Variants in PCNX4 observed in about 807,000 individuals in gnomAD.
The protein encoded by PCNX4 is pecanex 4, also known as pecanex-like protein 4.
In PCNX4, 103 loss-of-function variants were observed where a neutral mutation model predicts 107.2. That is an observed-to-expected ratio of 0.96 (90% CI 0.82 to 1.13). PCNX4 has a LOEUF of 1.13. Ranked by LOEUF, PCNX4 falls within the 50% of genes most tolerant of loss-of-function variation. PCNX4 has a pLI of 0.00. For synonymous variants in PCNX4, 541 were observed against 481.7 expected, an observed-to-expected ratio of 1.12 and a Z score of -1.61; for missense variants, 1,528 against 1,379.4, an observed-to-expected ratio of 1.11 and a Z score of -1.71.
intron 10 of PCNX4, among the ~76,000 whole-genome samples, chr14:60,128,269 G>C (rs1896091693): frequency 6.6e-6 from 1 of 152,162 alleles, no homozygotes; most frequent in Non-Finnish European, 1.5e-5. Context: ...TAAATGCAAA[G>C]AGATCCGCAG....
chr14:60,093,257 A>G (rs1895345396), intron 1 of PCNX4, among the ~76,000 whole-genome samples: 1 of 152,164 alleles, frequency 6.6e-6, no homozygotes, highest in Non-Finnish European at 1.5e-5. Flanking sequence ...CAATTCACCC[A>G]TTTATAGAAT....
chr14:60,144,952 T>C lies in PCNX4; in HGVS notation c.*10731T>C. On this transcript the variant is annotated 3_prime_UTR_variant, in exon 11 of 11. Coordinates refer to ENST00000406854, the MANE Select transcript of PCNX4 (RefSeq NM_001330177.2). ...TTTCTCCCTCCAGTGGCTTGAAAAGTACAGGTGCTCTTTTCAGTCATGTTT... is the reference window on the plus strand; with the variant it reads ...TTTCTCCCTCCAGTGGCTTGAAAAGCACAGGTGCTCTTTTCAGTCATGTTT... 1 of 1,600,884 alleles carries C rather than the reference T, an allele frequency of 6.2e-7. No homozygotes were observed. Among genetic ancestry groups the C allele is most frequent in the Non-Finnish European group, 8.5e-7 (1 of 1,170,072 alleles).
chr14:60,121,194 A>G lies in PCNX4; in HGVS notation c.1943-2A>G. On this transcript the variant is annotated splice_acceptor_variant, in intron 7 of 10. Transcript: ENST00000406854. LOFTEE classifies it high-confidence loss of function. ...TTTTTTTTTTTTTCTAATTTGTTGT[A>G]GGTCTCCTCCTACCTGGATCTCATT... 1.1e-6 allele frequency: 1 copy of G among 890,708 alleles called. No homozygotes were observed. The highest frequency in any genetic ancestry group is 1.5e-6 in the Non-Finnish European group (1 of 645,318). 55.2% of individuals were successfully genotyped at this position (890,708 alleles called of 1,614,324 possible). A position where few individuals can be genotyped will look rare whatever the true frequency, so the allele number is the denominator to read the frequency against.
Position 60,141,436 on chromosome 14 carries a change from TGAA to T in PCNX4, c.*7218_*7220del, listed in dbSNP as rs1438599848. The T allele has an allele frequency of 1.3e-5, 2 of 152,106 alleles. No individual in the cohort carries two copies. The highest frequency in any genetic ancestry group is 2.4e-5 in the African/African-American group (1 of 41,400). The allele number at this position is 152,106 out of a possible 1,614,324, so 9.4% of individuals were successfully genotyped here. A position where few individuals can be genotyped will look rare whatever the true frequency, so the allele number is the denominator to read the frequency against. ...CAAATCATTATTATCAAGAATGAAA[TGAA>T]GAGTATCACTATAAATCAGGCAGTC... On this transcript the variant is annotated 3_prime_UTR_variant, in exon 11 of 11. Coordinates refer to ENST00000406854, the MANE Select transcript of PCNX4 (RefSeq NM_001330177.2).
chr14:60,133,703 A>C (rs941746173), intron 10 of PCNX4: 1 of 597,452 alleles, frequency 1.7e-6, no homozygotes, highest in Non-Finnish European at 3.1e-6. Context: ...AAAGGCAGAC[A>C]AAGAGAAGTG....
At chr14:60,094,715 C>T (rs965112997) in intron 1 of PCNX4, among the ~76,000 whole-genome samples, 1 of 151,462 alleles carries the variant, frequency 6.6e-6, no homozygotes, top group East Asian at 1.9e-4. Flanking sequence ...TTAAGCTGCA[C>T]CCCCCACCTC....
chr14:60,112,291 T>G (rs893289610), intron 2 of PCNX4, among the ~76,000 whole-genome samples: 1 of 152,212 alleles, frequency 6.6e-6, no homozygotes, highest in Non-Finnish European at 1.5e-5. Flanking sequence ...TGGATCTTAG[T>G]GAGTGTGCAA....
At chr14:60,127,521 G>C (rs1337064548) in intron 10 of PCNX4, among the ~76,000 whole-genome samples, 2 of 152,176 alleles carry the variant, frequency 1.3e-5, no homozygotes, top group South Asian at 2.1e-4. Context: ...CTCTATGAGA[G>C]GTCATATCTG....
At position 60,141,831 on chromosome 14, in the gene PCNX4, C is replaced by T. The variant is rs560324997; in HGVS notation, c.*7610C>T. On this transcript the variant is annotated 3_prime_UTR_variant, in exon 11 of 11. Coordinates refer to ENST00000406854, the MANE Select transcript of PCNX4 (RefSeq NM_001330177.2). ...GGCTATTATGTAAAGCTGCTATGAG[C>T]ATTCATTTACAAGTCTTTATGTGGA... 3 of 152,286 alleles carry T rather than the reference C, an allele frequency of 2.0e-5. 1 individual carries two copies. The South Asian group carries it at 6.2e-4, about 32-fold the overall frequency. The allele number at this position is 152,286 out of a possible 1,614,324, so 9.4% of individuals were successfully genotyped here.
At chr14:60,113,999 G>C (rs941544417) in intron 2 of PCNX4, among the ~76,000 whole-genome samples, 1 of 152,184 alleles carries the variant, frequency 6.6e-6, no homozygotes, top group Non-Finnish European at 1.5e-5. Flanking sequence ...AAATTGTAGT[G>C]TGCAAGTTTG....
intron 2 of PCNX4, among the ~76,000 whole-genome samples, chr14:60,111,377 TCAACAGGAAATC>T: frequency 6.6e-6 from 1 of 152,334 alleles, no homozygotes; most frequent in Non-Finnish European, 1.5e-5. Context: ...GGAGGATTAA[TCAACAGGAAATC>T]CATTTATAAT....
chr14:60,102,451 T>C lies in PCNX4; in HGVS notation c.-53-5135T>C, dbSNP rs1218920723. On this transcript the variant is annotated intron_variant, in intron 1 of 10. Coordinates refer to ENST00000406854, the MANE Select transcript of PCNX4 (RefSeq NM_001330177.2). Reference sequence around the variant, plus strand: ...CAGATTTTTAGTATGGTGTTATATATGTCTGAGTTACATACAGTTTTGGTA... The same window carrying C: ...CAGATTTTTAGTATGGTGTTATATACGTCTGAGTTACATACAGTTTTGGTA... Among the ~76,000 whole-genome samples the C allele has an allele frequency of 2.6e-5, 4 of 152,192 alleles. No homozygotes were observed. In the East Asian group the frequency reaches 5.8e-4, roughly 22 times the overall value.
rs543152334 is a variant in PCNX4 at position 60,133,525 on chromosome 14, G to A, written c.3268-445G>A. 1.6e-4 allele frequency: 61 copies of A among 380,152 alleles called. No individual in the cohort carries two copies. The Middle Eastern group carries it at 1.7e-3, about 10-fold the overall frequency. 23.5% of individuals were successfully genotyped at this position (380,152 alleles called of 1,614,324 possible). ...AACTTAACTGTGGTGATGGTTGCAC[G>A]TATCTGTGACTATAATAAAAGCCAC... On this transcript the variant is annotated intron_variant, in intron 10 of 10. Coordinates refer to ENST00000406854, the MANE Select transcript of PCNX4 (RefSeq NM_001330177.2).
At chr14:60,122,325 C>A (rs1196757131) in intron 8 of PCNX4, among the ~76,000 whole-genome samples, 2 of 152,134 alleles carry the variant, frequency 1.3e-5, no homozygotes, top group African/African-American at 4.8e-5. Flanking sequence ...TGGATCTCTT[C>A]TTTCATTTAG....
At chr14:60,116,127 G>T in intron 6 of PCNX4, 67 bp downstream of exon 6, 7 of 1,394,946 alleles carry the variant, frequency 5.0e-6, no homozygotes. Context: ...TCCATTTAGT[G>T]GTGTATATTC....
intron 10 of PCNX4, among the ~76,000 whole-genome samples, chr14:60,131,117 C>T (rs981811104): frequency 6.6e-6 from 1 of 152,116 alleles, no homozygotes; most frequent in African/African-American, 2.4e-5. Flanking sequence ...GAAACCACCC[C>T]GATCTTGGAC....
In PCNX4 at chr14:60,134,002, A is replaced by G; in HGVS notation, c.3300A>G (p.Gln1100=). 2 of 1,613,394 alleles carry G rather than the reference A, an allele frequency of 1.2e-6. No individual in the cohort carries two copies. The highest frequency in any genetic ancestry group is 2.2e-5 in the East Asian group (1 of 44,870). ...ACACTGGGAGAGTGCTTAGCCTTCAAGAATTATTGATCCAAGTGGGAAAGT... is the reference window on the plus strand; with the variant it reads ...ACACTGGGAGAGTGCTTAGCCTTCAGGAATTATTGATCCAAGTGGGAAAGT... The part of the protein sequence containing the change: ...GIYTGRVLSL[Q]ELLIQVGKLN... The change falls in exon 11 of 11, where the codon CAA becomes CAG. Residue 1100 remains glutamine (Q), a synonymous_variant. Transcript: ENST00000406854.
chr14:60,120,655 C>T (rs764285958), intron 7 of PCNX4, among the ~76,000 whole-genome samples: 1 of 152,142 alleles, frequency 6.6e-6, no homozygotes, highest in Non-Finnish European at 1.5e-5. Flanking sequence ...TAAATTGATA[C>T]AATGTATTTT....
At chr14:60,107,311 G>C (rs1036192311) in intron 1 of PCNX4, among the ~76,000 whole-genome samples, 1 of 152,168 alleles carries the variant, frequency 6.6e-6, no homozygotes, top group Non-Finnish European at 1.5e-5. Flanking sequence ...GAGCTTGGGA[G>C]GTCAAGGCTG....
Sources: allele counts gnomAD v4.1 joint callset (sites outside exome capture counted in the v4.1 genomes callset), GRCh38; gene constraint gnomAD v4.1.1; transcripts MANE v1.5; gene names NCBI Gene and HGNC (gene_info 2026-07-23, HGNC 2026-07-21).